The following RAC2 variants were observed in gnomAD, a reference collection of about 807,000 sequenced individuals.
RAC2 encodes Rac family small GTPase 2, also known as ras-related C3 botulinum toxin substrate 2.
RAC2 carries 1 observed loss-of-function variant against 24.0 expected under a neutral mutation model. The observed-to-expected ratio is 0.04, with a 90% CI of 0.01 to 0.20. The LOEUF (loss-of-function observed/expected upper bound fraction) is 0.20, where lower values mean the gene tolerates loss of function less well. RAC2 is among the 10% of genes least tolerant of loss of function. RAC2 has a pLI of 1.00. For synonymous variants in RAC2, 114 were observed against 106.8 expected (o/e 1.07, Z -0.41); for missense variants, 130 against 259.1 (o/e 0.50, Z 3.42).
At chr22:37,242,798 G>C (rs1189105838) in intron 1 of RAC2, among the ~76,000 whole-genome samples, 1 of 152,252 alleles carries the variant, frequency 6.6e-6, no homozygotes, top group Admixed American at 6.5e-5. Flanking sequence ...ACCTAGATGG[G>C]TCACAGCCAA....
intron 5 of RAC2, among the ~76,000 whole-genome samples, 179 bp from the exon 6 acceptor site, chr22:37,226,982 A>C (rs1601668226): frequency 4.0e-5 from 1 of 24,976 alleles, no homozygotes; most frequent in Non-Finnish European, 7.7e-5. Context: ...CACCCCTCCC[A>C]CGCCATACAC....
chr22:37,240,305 G>T (rs1291472634), intron 2 of RAC2, among the ~76,000 whole-genome samples: 1 of 152,224 alleles, frequency 6.6e-6, no homozygotes, highest in Non-Finnish European at 1.5e-5. Context: ...AAGAAATGAG[G>T]GCCCCCGCGA....
chr22:37,242,683 C>G (rs1039183052), intron 1 of RAC2, among the ~76,000 whole-genome samples: 1 of 152,234 alleles, frequency 6.6e-6, no homozygotes, highest in Admixed American at 6.5e-5. Context: ...GCCCCTCCTC[C>G]GATCAGATAC....
intron 5 of RAC2, among the ~76,000 whole-genome samples, chr22:37,229,760 T>C (rs1926999435): frequency 6.6e-6 from 1 of 152,160 alleles, no homozygotes; most frequent in Non-Finnish European, 1.5e-5. Context: ...AGTCACCACC[T>C]TATGGAGGAG....
chr22:37,231,611 A>G lies in RAC2; in HGVS notation c.289-221T>C. On this transcript the variant is annotated intron_variant, in intron 4 of 6. Coordinates refer to ENST00000249071, the MANE Select transcript of RAC2 (RefSeq NM_002872.5). The surrounding 1 kb of genome is among the most constrained non-coding windows in gnomAD (Gnocchi z 5.5). ...AGGAGGGGGCGCATGATTGTAGGAA[A>G]GGAGGAGGCGAGGTTTTGTGCAGAC... 4 of 606,538 alleles carry G rather than the reference A, an allele frequency of 6.6e-6. No individual in the cohort carries two copies. Among genetic ancestry groups the G allele is most frequent in the Non-Finnish European group, 8.8e-6 (3 of 342,162 alleles). The allele number at this position is 606,538 out of a possible 1,614,324, so 37.6% of individuals were successfully genotyped here.
At chr22:37,236,807 G>T (rs1377221822) in intron 2 of RAC2, among the ~76,000 whole-genome samples, 1 of 152,182 alleles carries the variant, frequency 6.6e-6, no homozygotes, top group African/African-American at 2.4e-5. Flanking sequence ...TGTCATAGGG[G>T]CACGGACCAG....
chr22:37,232,227 T>A (rs1927088246), intron 3 of RAC2, among the ~76,000 whole-genome samples: 1 of 152,226 alleles, frequency 6.6e-6, no homozygotes, highest in East Asian at 1.9e-4. Context: ...TCCTCACATG[T>A]CACTCTGCAG....
intron 5 of RAC2, among the ~76,000 whole-genome samples, chr22:37,227,593 G>A (rs796539732): frequency 5.5e-4 from 5 of 9,114 alleles, no homozygotes; most frequent in Non-Finnish European, 9.9e-4. Flanking sequence ...CCCCTCCCAC[G>A]CCTCCCACAC....
intron 6 of RAC2, 109 bp downstream of exon 6, chr22:37,226,562 C>T (rs1339841691): frequency 5.6e-6 from 8 of 1,434,686 alleles, no homozygotes; most frequent in Non-Finnish European, 7.6e-6. Context: ...CCTCCATACC[C>T]ACCTTCTTTC....
rs781088657 is a variant in RAC2 at position 37,244,093 on chromosome 22, G to A, written c.35+21C>T. Reference sequence around the variant, plus strand: ...GGGCATCCCAGTTGGGGGCTGTGAGGAAGTCCAGCCAGGTACCTACCCATC... The same window carrying A: ...GGGCATCCCAGTTGGGGGCTGTGAGAAAGTCCAGCCAGGTACCTACCCATC... On this transcript the variant is annotated intron_variant, in intron 1 of 6. Transcript: ENST00000249071. 7 of 1,613,974 alleles carry A rather than the reference G, an allele frequency of 4.3e-6. No individual in the cohort carries two copies. The African/African-American group carries it at 9.3e-5, about 22-fold the overall frequency.
At chr22:37,227,501 G>A (rs2032481) in intron 5 of RAC2, among the ~76,000 whole-genome samples, 1,078 of 3,788 alleles carry the variant, frequency 0.28, 33 homozygotes, top group East Asian at 0.34. Flanking sequence ...TCCCTCCCAC[G>A]CCTCCCATGC....
At chr22:37,238,669 C>T (rs1927307091) in intron 2 of RAC2, among the ~76,000 whole-genome samples, 1 of 152,222 alleles carries the variant, frequency 6.6e-6, no homozygotes, top group African/African-American at 2.4e-5. Context: ...TTCTGTATCC[C>T]CAACACCTAG....
chr22:37,234,950 ACTACTTTGC>A (rs1927179501), intron 2 of RAC2, among the ~76,000 whole-genome samples: 1 of 152,160 alleles, frequency 6.6e-6, no homozygotes, highest in African/African-American at 2.4e-5. Flanking sequence ...CTCTCAGGTG[ACTACTTTGC>A]CTGGACCACG....
Position 37,231,625 on chromosome 22 carries a change from T to G in RAC2, c.289-235A>C. 4 of 601,632 alleles carry G rather than the reference T, an allele frequency of 6.6e-6. No homozygotes were observed. In the South Asian group the frequency reaches 7.9e-5, roughly 12 times the overall value. The allele number at this position is 601,632 out of a possible 1,614,324, so 37.3% of individuals were successfully genotyped here. A position where few individuals can be genotyped will look rare whatever the true frequency, so the allele number is the denominator to read the frequency against. ...GATTGTAGGAAAGGAGGAGGCGAGG[T>G]TTTGTGCAGACATAAGAAGCAAACA... On this transcript the variant is annotated intron_variant, in intron 4 of 6. Transcript: ENST00000249071. This position sits in a 1 kb window ranked among gnomAD's most constrained non-coding sequence, Gnocchi z 5.5.
intron 1 of RAC2, 102 bp downstream of exon 1, chr22:37,244,012 G>C (rs778984774): frequency 1.3e-6 from 2 of 1,488,922 alleles, no homozygotes; most frequent in Non-Finnish European, 1.9e-6. Context: ...TTCCAGGGAC[G>C]CCTAGTTCTG....
At chr22:37,241,358 C>T (rs1031631996) in intron 2 of RAC2, among the ~76,000 whole-genome samples, 2 of 152,218 alleles carry the variant, frequency 1.3e-5, no homozygotes, top group Non-Finnish European at 2.9e-5. Context: ...AAAGGCCACC[C>T]CTCCTCCCTT....
intron 1 of RAC2, among the ~76,000 whole-genome samples, chr22:37,242,867 C>T (rs1927447821): frequency 1.3e-5 from 2 of 152,244 alleles, no homozygotes; most frequent in Non-Finnish European, 2.9e-5. Context: ...TTGGGCTGCT[C>T]CTCTGTAGAA....
chr22:37,241,056 G>A, intron 2 of RAC2: 2 of 728,146 alleles, frequency 2.7e-6, no homozygotes, highest in Non-Finnish European at 5.1e-6. Context: ...GGGAGGGGCT[G>A]GTGCCTCCCC....
intron 1 of RAC2, among the ~76,000 whole-genome samples, chr22:37,242,324 A>G (rs897830227): frequency 2.6e-5 from 4 of 152,200 alleles, no homozygotes; most frequent in African/African-American, 9.7e-5. Flanking sequence ...CTTTGGGCAA[A>G]TTACTTAGCT....
Sources: allele counts gnomAD v4.1 joint callset (sites outside exome capture counted in the v4.1 genomes callset), GRCh38; gene constraint gnomAD v4.1.1; non-coding constraint Gnocchi (gnomAD v3.1); transcripts MANE v1.5; gene names NCBI Gene and HGNC (gene_info 2026-07-23, HGNC 2026-07-21).